Variants in CYP2W1 observed in about 807,000 individuals in gnomAD.
CYP2W1 encodes the protein cytochrome P450 family 2 subfamily W member 1, also known as cytochrome P450 2W1.
Under a neutral mutation model 44.9 loss-of-function variants are expected in CYP2W1, and 51 were observed. The observed-to-expected ratio is 1.14, with a 90% CI of 0.91 to 1.43. The LOEUF is 1.43. Among genes scored for constraint, CYP2W1 ranks in the 40% most tolerant of loss-of-function variants. CYP2W1 has a pLI of 0.00. For missense variants in CYP2W1, 746 were observed against 700.0 expected (o/e 1.07, Z -0.74); for synonymous variants, 383 against 338.3 (o/e 1.13, Z -1.45).
intron 7 of CYP2W1, among the ~76,000 whole-genome samples, chr7:987,741 G>A (rs566126118): frequency 1.5e-4 from 23 of 152,306 alleles, no homozygotes; most frequent in African/African-American, 3.6e-4. Context: ...CAGACCTGGC[G>A]CCTCCCTGCA....
chr7:985,370 A>G, intron 4 of CYP2W1, 47 bp downstream of exon 4: 1 of 1,532,002 alleles, frequency 6.5e-7, no homozygotes, highest in South Asian at 1.2e-5. Flanking sequence ...GCCTGGAGTG[A>G]TGGGCGTGCA....
intron 7 of CYP2W1, among the ~76,000 whole-genome samples, chr7:988,001 T>G (rs1050095762): frequency 3.6e-5 from 2 of 54,902 alleles, no homozygotes; most frequent in Admixed American, 1.8e-4. Flanking sequence ...CTGTGTGTCC[T>G]GGGGGGTCCC....
chr7:986,147 C>T (rs1056754057), intron 4 of CYP2W1, among the ~76,000 whole-genome samples: 5 of 152,234 alleles, frequency 3.3e-5, no homozygotes, highest in East Asian at 3.9e-4. Context: ...TCACTACTGG[C>T]GATCGCGGAC....
At position 987,131 on chromosome 7, in the gene CYP2W1, G is replaced by T; in HGVS notation, c.844G>T (p.Ala282Ser). 1 of 1,567,132 alleles carries T rather than the reference G, an allele frequency of 6.4e-7. No homozygotes were observed. ...GQGDDPEGLFAEANAVACTLD... is the reference protein window; with the variant it reads ...GQGDDPEGLFSEANAVACTLD... Reference sequence around the variant, plus strand: ...GGGGGATGACCCCGAGGGCCTGTTTGCTGAGGCCAACGCGGTGGCCTGCAC... The same window carrying T: ...GGGGGATGACCCCGAGGGCCTGTTTTCTGAGGCCAACGCGGTGGCCTGCAC... The change falls in exon 6 of 9, where the codon GCT becomes TCT. Residue 282 changes from alanine to serine, a missense_variant. Physicochemically the swap from Ala to Ser is moderately conservative, Grantham distance 99. Coordinates refer to ENST00000308919, the MANE Select transcript of CYP2W1 (RefSeq NM_017781.3).
Position 985,231 on chromosome 7 carries a change from G to A in CYP2W1, c.553G>A (p.Gly185Ser), listed in dbSNP as rs750767254. 15 of 1,553,094 alleles carry A rather than the reference G, an allele frequency of 9.7e-6. No individual in the cohort carries two copies. The highest frequency in any genetic ancestry group is 2.0e-5 in the Admixed American group (1 of 51,130). The change falls in exon 4 of 9, where the codon GGC (glycine) becomes AGC (serine). Residue 185 changes from glycine to serine, a missense_variant. Gly to Ser is a moderately conservative substitution (Grantham distance 56). Transcript: ENST00000308919. ...PSNITFALLF[G>S]RRFDYRDPVF... ...CAATATCACCTTCGCGCTCCTCTTCGGCCGCCGATTTGACTACCGGGACCC... is the reference window on the plus strand; with the variant it reads ...CAATATCACCTTCGCGCTCCTCTTCAGCCGCCGATTTGACTACCGGGACCC...
rs539410501 is a variant in CYP2W1 at position 985,819 on chromosome 7, T to A, written c.645+496T>A. On this transcript the variant is annotated intron_variant, in intron 4 of 8. Transcript: ENST00000308919. ...TGATGTGCGTTTACCGAAGCCTGCATCTCAGGTGTGATACCTGCATCACGG... is the reference window on the plus strand; with the variant it reads ...TGATGTGCGTTTACCGAAGCCTGCAACTCAGGTGTGATACCTGCATCACGG... Among the ~76,000 whole-genome samples, 3 of 152,358 alleles carry A rather than the reference T, an allele frequency of 2.0e-5. No homozygotes were observed. In the South Asian group the frequency reaches 6.2e-4, roughly 32 times the overall value.
At position 987,467 on chromosome 7, in the gene CYP2W1, T is replaced by A; in HGVS notation, c.1079T>A (p.Leu360His). ...VLHEVQRFIT[L>H]LPHVPRCTAA... ...CACGAGGTGCAGCGGTTCATCACGC[T>A]CCTGCCGCACGTGCCCCGCTGCACC... is the stretch of plus-strand genomic sequence containing the variant. Residue 360 changes from leucine (L) to histidine (H), a missense_variant, in exon 7 of 9, where the codon CTC (leucine) becomes CAC (histidine). Leu to His is a moderately conservative substitution (Grantham distance 99, BLOSUM62 -3). Transcript: ENST00000308919. 1 of 1,564,094 alleles carries A rather than the reference T, an allele frequency of 6.4e-7. No individual in the cohort carries two copies. Among genetic ancestry groups the A allele is most frequent in the Non-Finnish European group, 8.6e-7 (1 of 1,163,220 alleles).
rs1848608646 is a variant in CYP2W1 at position 988,879 on chromosome 7, C to T, written c.*57C>T. 7.1e-6 allele frequency: 8 copies of T among 1,123,254 alleles called. No individual in the cohort carries two copies. Among genetic ancestry groups the T allele is most frequent in the Non-Finnish European group, 1.3e-6 (1 of 799,448 alleles). The allele number at this position is 1,123,254 out of a possible 1,614,324, so 69.6% of individuals were successfully genotyped here. ...ACTCCCCTCCCAGCCCTGGGTCCTC[C>T]CACCCTCTCTCCTCCCACCCCACAG... On this transcript the variant is annotated 3_prime_UTR_variant, in exon 9 of 9. Coordinates refer to ENST00000308919, the MANE Select transcript of CYP2W1 (RefSeq NM_017781.3).
chr7:987,513 C>A lies in CYP2W1; in HGVS notation c.1125C>A (p.Gly375=). Residue 375 remains glycine (G), a synonymous_variant, in exon 7 of 9, where the codon GGC becomes GGA. Transcript: ENST00000308919. The part of the protein sequence containing the change: ...PRCTAADTQL[G]GFLLPKGTPV... ...GCACCGCGGCCGACACACAGCTGGG[C>A]GGCTTCCTGCTCCCCAAGGTGGGGC... The A allele has an allele frequency of 1.3e-6, 2 of 1,530,162 alleles. No individual in the cohort carries two copies. The highest frequency in any genetic ancestry group is 1.8e-6 in the Non-Finnish European group (2 of 1,141,158). 94.8% of individuals were successfully genotyped at this position (1,530,162 alleles called of 1,614,324 possible). A position where few individuals can be genotyped will look rare whatever the true frequency, so the allele number is the denominator to read the frequency against.
chr7:984,945 T>C lies in CYP2W1; in HGVS notation c.338-5T>C, dbSNP rs3824081. On this transcript the variant is annotated splice_region_variant and splice_polypyrimidine_tract_variant and intron_variant, in intron 2 of 8. Coordinates refer to ENST00000308919, the MANE Select transcript of CYP2W1 (RefSeq NM_017781.3). ...GGGCTCACCACGCACTGTATCTGCC[T>C]ACAGGCATCTTCTTCTCATCTGGGG... 0.54 allele frequency: 853,846 copies of C among 1,593,382 alleles called. 232,024 individuals carry two copies. Among genetic ancestry groups the C allele is most frequent in the African/African-American group, 0.72 (53,900 of 74,754 alleles).
Position 983,376 on chromosome 7 carries a change from CCT to C in CYP2W1, c.166_167del (p.Leu56AspfsTer89). ...TGCGTCTGTCGCAACAGGACCGGTCCCTGATGGAGGTAAGTCAGGGAGCCCGG... is the reference window on the plus strand; with the variant it reads ...TGCGTCTGTCGCAACAGGACCGGTCCGATGGAGGTAAGTCAGGGAGCCCGG... ...LLRLSQQDRSLMELSERYGPV... is the reference protein window; with the variant it reads ...LLRLSQQDRSXMELSERYGPV... On this transcript the variant is annotated frameshift_variant, in exon 1 of 9. Coordinates refer to ENST00000308919, the MANE Select transcript of CYP2W1 (RefSeq NM_017781.3). LOFTEE classifies it high-confidence loss of function. 6.6e-7 allele frequency: 1 copy of C among 1,518,734 alleles called. No individual in the cohort carries two copies. The highest frequency in any genetic ancestry group is 1.2e-5 in the South Asian group (1 of 82,574). 94.1% of individuals were successfully genotyped at this position (1,518,734 alleles called of 1,614,324 possible). A position where few individuals can be genotyped will look rare whatever the true frequency, so the allele number is the denominator to read the frequency against.
chr7:987,926 T>C (rs1848503131), intron 7 of CYP2W1, among the ~76,000 whole-genome samples: 1 of 140,446 alleles, frequency 7.1e-6, no homozygotes, highest in Non-Finnish European at 1.5e-5. Flanking sequence ...GGATCCCCTG[T>C]GTGTCCTGGG....
At position 985,169 on chromosome 7, in the gene CYP2W1, G is replaced by C; in HGVS notation, c.491G>C (p.Arg164Pro). ...LSGQLDGYRGRPFPLALLGWA... is the reference protein window; with the variant it reads ...LSGQLDGYRGPPFPLALLGWA... Reference sequence around the variant, plus strand: ...CTGAGGCCCGTCTCCCTCGCAGGCCGGCCCTTCCCGCTGGCCCTACTGGGC... The same window carrying C: ...CTGAGGCCCGTCTCCCTCGCAGGCCCGCCCTTCCCGCTGGCCCTACTGGGC... Residue 164 changes from arginine to proline, a missense_variant, in exon 4 of 9, where the codon CGG becomes CCG. Physicochemically the swap from Arg to Pro is moderately radical, Grantham distance 103. Coordinates refer to ENST00000308919, the MANE Select transcript of CYP2W1 (RefSeq NM_017781.3). 3.8e-6 allele frequency: 6 copies of C among 1,581,010 alleles called. No homozygotes were observed. The highest frequency in any genetic ancestry group is 5.2e-6 in the Non-Finnish European group (6 of 1,163,950).
Position 988,867 on chromosome 7 carries a change from C to T in CYP2W1, c.*45C>T, listed in dbSNP as rs1848607829. 1.6e-6 allele frequency: 2 copies of T among 1,256,550 alleles called. No individual in the cohort carries two copies. The highest frequency in any genetic ancestry group is 2.8e-5 in the South Asian group (2 of 70,696). 77.8% of individuals were successfully genotyped at this position (1,256,550 alleles called of 1,614,324 possible). The stretch of plus-strand genomic sequence containing the variant: ...GTCCTCCTGACCACTCCCCTCCCAG[C>T]CCTGGGTCCTCCCACCCTCTCTCCT... On this transcript the variant is annotated 3_prime_UTR_variant, in exon 9 of 9. Coordinates refer to ENST00000308919, the MANE Select transcript of CYP2W1 (RefSeq NM_017781.3).
At chr7:988,002 G>GGGGGGTCCCCTCTGTCCT (rs1848520481) in intron 7 of CYP2W1, among the ~76,000 whole-genome samples, 1 of 97,896 alleles carries the variant, frequency 1.0e-5, no homozygotes, top group African/African-American at 3.7e-5. Flanking sequence ...TGTGTGTCCT[G>GGGGGGTCCCCTCTGTCCT]GGGGGTCCCC....
At chr7:984,656 G>T in intron 2 of CYP2W1, 82 bp downstream of exon 2, 1 of 1,492,992 alleles carries the variant, frequency 6.7e-7, no homozygotes, top group Non-Finnish European at 8.9e-7. Context: ...CCAGCAGCGG[G>T]AGAGGCTCCC....
At position 983,343 on chromosome 7, in the gene CYP2W1, G is replaced by C; in HGVS notation, c.132G>C (p.Leu44=). 6.5e-7 allele frequency: 1 copy of C among 1,537,988 alleles called. No individual in the cohort carries two copies. Among genetic ancestry groups the C allele is most frequent in the South Asian group, 1.2e-5 (1 of 83,510 alleles). Residue 44 remains leucine, a synonymous_variant, in exon 1 of 9, where the codon CTG becomes CTC. Transcript: ENST00000308919. ...GPRPLPLVGN[L]HLLRLSQQDR... is the part of the protein sequence containing the mutation. ...GCCCGCTGCCGCTCGTCGGGAACCT[G>C]CACTTGCTGCGTCTGTCGCAACAGG...
chr7:987,338 T>C lies in CYP2W1; in HGVS notation c.959-9T>C, dbSNP rs370647090. 3 of 1,568,598 alleles carry C rather than the reference T, an allele frequency of 1.9e-6. No individual in the cohort carries two copies. The highest frequency in any genetic ancestry group is 1.7e-6 in the Non-Finnish European group (2 of 1,159,542). On this transcript the variant is annotated splice_polypyrimidine_tract_variant and intron_variant, in intron 6 of 8. Transcript: ENST00000308919. ...CGCTGCCACCCAAGCGGCCCACCCT[T>C]TGCCCCAGGCCGGGTGCAGGAGGAG...
Position 984,407 on chromosome 7 carries a change from G to T in CYP2W1, c.175-5G>T, listed in dbSNP as rs899112171. 7.8e-6 allele frequency: 12 copies of T among 1,546,554 alleles called. No individual in the cohort carries two copies. Among genetic ancestry groups the T allele is most frequent in the Non-Finnish European group, 1.0e-5 (12 of 1,146,638 alleles). ...TGCCCGGGTGACCCCCGCCATCCCT[G>T]CCAGCTCTCAGAACGCTACGGGCCG... On this transcript the variant is annotated splice_polypyrimidine_tract_variant and splice_region_variant and intron_variant, in intron 1 of 8. Transcript: ENST00000308919.
Sources: allele counts gnomAD v4.1 joint callset (sites outside exome capture counted in the v4.1 genomes callset), GRCh38; gene constraint gnomAD v4.1.1; transcripts MANE v1.5; gene names NCBI Gene and HGNC (gene_info 2026-07-23, HGNC 2026-07-21).